GRIK1: variants seen among roughly 807,000 people sequenced by gnomAD.
GRIK1 encodes glutamate receptor ionotropic, kainate 1.
Under a neutral mutation model 105.7 loss-of-function variants are expected in GRIK1, and 69 were observed. That is an observed-to-expected ratio of 0.65 (90% CI 0.54 to 0.80). GRIK1 has a LOEUF of 0.80. GRIK1 is among the 30% of genes least tolerant of loss of function. The probability of loss-of-function intolerance (pLI) is 0.00; values close to 1 mark genes in which losing one functional copy is unlikely to be tolerated. For missense variants in GRIK1, 1,109 were observed against 1,167.3 expected, an observed-to-expected ratio of 0.95 and a Z score of 0.73; for synonymous variants, 438 against 431.3, an observed-to-expected ratio of 1.02 and a Z score of -0.19.
chr21:29,846,517 G>GAAAC (rs2068131320), intron 1 of GRIK1, among the ~76,000 whole-genome samples: 1 of 142,278 alleles, frequency 7.0e-6, no homozygotes, highest in Non-Finnish European at 1.6e-5. Flanking sequence ...AAGAAAGAAA[G>GAAAC]AAATGCTTCT....
At chr21:29,716,956 T>A (rs2064194121) in intron 1 of GRIK1, among the ~76,000 whole-genome samples, 1 of 152,236 alleles carries the variant, frequency 6.6e-6, no homozygotes, top group Non-Finnish European at 1.5e-5. Flanking sequence ...TCTCCCGCTC[T>A]GTACAGCCTC....
chr21:29,662,227 C>A (rs2062979195), intron 4 of GRIK1, among the ~76,000 whole-genome samples: 1 of 152,212 alleles, frequency 6.6e-6, no homozygotes, highest in Non-Finnish European at 1.5e-5. Flanking sequence ...AGCCAGATTG[C>A]ATCACCCAGG....
intron 12 of GRIK1, among the ~76,000 whole-genome samples, chr21:29,584,573 A>G (rs774521175): frequency 2.6e-5 from 4 of 152,238 alleles, no homozygotes; most frequent in Non-Finnish European, 5.9e-5. Flanking sequence ...CTACATCTTT[A>G]TAAATTTAAT....
chr21:29,905,874 G>A (rs2070617209), intron 1 of GRIK1, among the ~76,000 whole-genome samples: 1 of 151,894 alleles, frequency 6.6e-6, no homozygotes, highest in Admixed American at 6.6e-5. Flanking sequence ...GTGATCTCCC[G>A]ACCTCGGCCT....
At chr21:29,690,158 TC>T (rs2063559885) in intron 2 of GRIK1, among the ~76,000 whole-genome samples, 173 bp from the exon 3 acceptor site, 3 of 152,222 alleles carry the variant, frequency 2.0e-5, no homozygotes, top group Non-Finnish European at 4.4e-5. Context: ...TGGTCCAACT[TC>T]CAACTTTCTT....
chr21:29,798,880 G>T (rs2066628493), intron 1 of GRIK1, among the ~76,000 whole-genome samples: 1 of 152,160 alleles, frequency 6.6e-6, no homozygotes, highest in Admixed American at 6.5e-5. Context: ...TTTACTTGGT[G>T]GTTGGTTTGG....
At position 29,582,428 on chromosome 21, in the gene GRIK1, GAAAAAC is replaced by G. The variant is rs1176057890; in HGVS notation, c.1794-891_1794-886del. ...GCGCTATGGGCAGTAAACGTTTCTG[GAAAAAC>G]AACTAGTATAGTAGTGTGGGAAGTC... On this transcript the variant is annotated intron_variant, in intron 12 of 17. Transcript: ENST00000327783. The G allele has an allele frequency of 4.0e-4, 163 of 402,528 alleles. 3 individuals are homozygous for G. The highest frequency in any genetic ancestry group is 3.0e-3 in the South Asian group (156 of 52,230). 24.9% of individuals were successfully genotyped at this position (402,528 alleles called of 1,614,324 possible).
chr21:29,717,644 T>C (rs965323209), intron 1 of GRIK1, among the ~76,000 whole-genome samples: 5 of 152,196 alleles, frequency 3.3e-5, no homozygotes, highest in East Asian at 3.9e-4. Flanking sequence ...ACACCCCCAA[T>C]TGTACCTAGG....
intron 1 of GRIK1, among the ~76,000 whole-genome samples, chr21:29,880,904 G>C (rs2069383110): frequency 6.6e-6 from 1 of 152,130 alleles, no homozygotes; most frequent in African/African-American, 2.4e-5. Flanking sequence ...TCTGATAAGT[G>C]CATAGGTGGA....
At chr21:29,714,514 G>A (rs1231310239) in intron 1 of GRIK1, among the ~76,000 whole-genome samples, 1 of 152,166 alleles carries the variant, frequency 6.6e-6, no homozygotes, top group Non-Finnish European at 1.5e-5. Flanking sequence ...AACCAGGACA[G>A]TAGGTCACCC....
intron 1 of GRIK1, among the ~76,000 whole-genome samples, chr21:29,743,060 T>C (rs1291710974): frequency 1.3e-5 from 2 of 151,820 alleles, no homozygotes; most frequent in African/African-American, 4.8e-5. Context: ...TTTCAAGGTG[T>C]TCTTAGATAT....
At chr21:29,774,009 T>G (rs2065879574) in intron 1 of GRIK1, among the ~76,000 whole-genome samples, 1 of 152,214 alleles carries the variant, frequency 6.6e-6, no homozygotes, top group African/African-American at 2.4e-5. Context: ...TATGCTGGAT[T>G]TAGCATACAA....
At chr21:29,579,503 C>T (rs753891644) in intron 13 of GRIK1, among the ~76,000 whole-genome samples, 18 of 152,108 alleles carry the variant, frequency 1.2e-4, no homozygotes, top group Non-Finnish European at 1.6e-4. Flanking sequence ...ACTTTGCTCA[C>T]GCTCTGTAGA....
intron 1 of GRIK1, among the ~76,000 whole-genome samples, chr21:29,914,833 C>G (rs1383617599): frequency 6.6e-6 from 1 of 151,976 alleles, no homozygotes; most frequent in African/African-American, 2.4e-5. Flanking sequence ...AAAAATAAGC[C>G]CTTGTGGCTG....
chr21:29,630,187 A>T (rs1179916774), intron 7 of GRIK1, among the ~76,000 whole-genome samples: 1 of 152,192 alleles, frequency 6.6e-6, no homozygotes, highest in Non-Finnish European at 1.5e-5. Flanking sequence ...AATAAAATGG[A>T]GGGAACATAA....
intron 14 of GRIK1, among the ~76,000 whole-genome samples, chr21:29,570,470 C>A (rs1466963488): frequency 4.0e-5 from 6 of 151,742 alleles, no homozygotes; most frequent in Non-Finnish European, 8.8e-5. Flanking sequence ...CCATTGCACT[C>A]CAGCATGGGC....
chr21:29,549,278 C>T (rs2090092135), intron 16 of GRIK1, among the ~76,000 whole-genome samples: 1 of 152,098 alleles, frequency 6.6e-6, no homozygotes, highest in African/African-American at 2.4e-5. Flanking sequence ...TATATTCAAG[C>T]TAGTTTTAAT....
At chr21:29,685,030 G>C (rs2063462683) in intron 3 of GRIK1, among the ~76,000 whole-genome samples, 1 of 151,626 alleles carries the variant, frequency 6.6e-6, no homozygotes, top group South Asian at 2.1e-4. Context: ...TTATCTCCTT[G>C]TCTGTCTGCC....
At chr21:29,713,692 A>T (rs997252054) in intron 1 of GRIK1, among the ~76,000 whole-genome samples, 1 of 152,202 alleles carries the variant, frequency 6.6e-6, no homozygotes, top group African/African-American at 2.4e-5. Context: ...GCTATGAAGG[A>T]TGTGTGAAAT....
Sources: allele counts gnomAD v4.1 joint callset (sites outside exome capture counted in the v4.1 genomes callset), GRCh38; gene constraint gnomAD v4.1.1; transcripts MANE v1.5; gene names NCBI Gene and HGNC (gene_info 2026-07-23, HGNC 2026-07-21).